Variants in FRA10AC1 observed in about 807,000 individuals in gnomAD.
FRA10AC1 encodes protein FRA10AC1.
A neutral mutation model predicts 56.5 loss-of-function variants in FRA10AC1; 43 were observed. The ratio of observed to expected loss-of-function variants is 0.76; its 90% CI spans 0.60 to 0.98. The LOEUF (loss-of-function observed/expected upper bound fraction) is 0.98, where lower values mean the gene tolerates loss of function less well. Ranked by LOEUF, FRA10AC1 falls within the 50% of genes least tolerant of loss-of-function variation. The pLI, the probability that FRA10AC1 is intolerant of heterozygous loss-of-function variation, is 0.00. For synonymous variants in FRA10AC1, 112 were observed against 110.5 expected, an observed-to-expected ratio of 1.01 and a Z score of -0.09; for missense variants, 346 against 351.8, an observed-to-expected ratio of 0.98 and a Z score of 0.13.
intron 12 of FRA10AC1, chr10:93,675,682 G>A: frequency 2.7e-6 from 1 of 367,238 alleles, no homozygotes; most frequent in South Asian, 1.9e-5. Context: ...TCCAACCTGG[G>A]TGAAAGAGCA....
At chr10:93,689,059 GGTTT>G (rs1564817932) in intron 7 of FRA10AC1, among the ~76,000 whole-genome samples, 4 of 109,862 alleles carry the variant, frequency 3.6e-5, no homozygotes, top group Non-Finnish European at 5.5e-5. Context: ...TTTGTTGTGG[GGTTT>G]TTTTTTTTTT....
chr10:93,697,176 T>C (rs2059247547), intron 4 of FRA10AC1, among the ~76,000 whole-genome samples: 1 of 150,468 alleles, frequency 6.6e-6, no homozygotes, highest in Admixed American at 6.6e-5. Context: ...GAAAAAAGAG[T>C]ACCCATACTT....
chr10:93,700,172 C>T (rs1589731550), intron 1 of FRA10AC1, 66 bp from the exon 2 acceptor site: 3 of 921,486 alleles, frequency 3.3e-6, no homozygotes, highest in Non-Finnish European at 5.1e-6. Context: ...AACAATAATT[C>T]AAAAATAAGT....
chr10:93,689,060 GTTTTT>G (rs3085158), intron 7 of FRA10AC1, among the ~76,000 whole-genome samples: 2 of 127,030 alleles, frequency 1.6e-5, no homozygotes, highest in Non-Finnish European at 3.3e-5. Flanking sequence ...TTGTTGTGGG[GTTTTT>G]TTTTTTTTTT....
intron 7 of FRA10AC1, among the ~76,000 whole-genome samples, chr10:93,688,351 A>C (rs2059066052): frequency 6.6e-6 from 1 of 152,152 alleles, no homozygotes; most frequent in Non-Finnish European, 1.5e-5. Flanking sequence ...AGGGATTAGG[A>C]AGGAGGGTGG....
intron 7 of FRA10AC1, among the ~76,000 whole-genome samples, chr10:93,688,710 A>T (rs1266509940): frequency 2.6e-5 from 4 of 152,114 alleles, no homozygotes; most frequent in Non-Finnish European, 4.4e-5. Context: ...AGATTACTTG[A>T]ACCTGGGAGG....
At chr10:93,676,227 T>C (rs2133898726) in intron 12 of FRA10AC1, among the ~76,000 whole-genome samples, 1 of 152,312 alleles carries the variant, frequency 6.6e-6, no homozygotes, top group African/African-American at 2.4e-5. Flanking sequence ...TTATAAGTCA[T>C]TGTGAATACT....
intron 9 of FRA10AC1, among the ~76,000 whole-genome samples, chr10:93,684,501 T>C (rs954272003): frequency 6.7e-6 from 1 of 149,730 alleles, no homozygotes; most frequent in African/African-American, 2.4e-5. Context: ...TGGTCTCTTT[T>C]TTTTTTTTTT....
At position 93,669,964 on chromosome 10, in the gene FRA10AC1, C is replaced by T. The variant is rs975651355; in HGVS notation, c.906-96G>A. ...TTAATAAAAATAAAATACTTTAAGT[C>T]AACATATTGGCTGATTCTGCTATAT... On this transcript the variant is annotated intron_variant, in intron 13 of 13. Coordinates refer to ENST00000359204, the MANE Select transcript of FRA10AC1 (RefSeq NM_145246.5). 2.3e-5 allele frequency: 15 copies of T among 639,710 alleles called. No homozygotes were observed. In the African/African-American group the frequency reaches 2.7e-4, roughly 12 times the overall value. The allele number at this position is 639,710 out of a possible 1,614,324, so 39.6% of individuals were successfully genotyped here. A position where few individuals can be genotyped will look rare whatever the true frequency, so the allele number is the denominator to read the frequency against.
intron 4 of FRA10AC1, among the ~76,000 whole-genome samples, chr10:93,696,163 C>T (rs1171541764): frequency 1.3e-5 from 2 of 152,118 alleles, no homozygotes; most frequent in South Asian, 2.1e-4. Flanking sequence ...AGGAAGAAGG[C>T]GCCCCGCTAG....
chr10:93,684,174 C>T (rs547970639), intron 9 of FRA10AC1, 76 bp from the exon 10 acceptor site: 249 of 1,097,740 alleles, frequency 2.3e-4, no homozygotes, highest in Non-Finnish European at 3.1e-4. Context: ...ATCATAAATT[C>T]GCACTTTCTT....
chr10:93,674,706 G>C (rs2058816595), intron 12 of FRA10AC1: 1 of 152,144 alleles, frequency 6.6e-6, no homozygotes, highest in Admixed American at 6.5e-5. Context: ...CAAAGGGCAG[G>C]GGGTGAAAGA....
intron 8 of FRA10AC1, 59 bp from the exon 9 acceptor site, chr10:93,685,418 T>TTACCC (rs1323029316): frequency 2.5e-6 from 2 of 788,108 alleles, no homozygotes; most frequent in East Asian, 5.2e-5. Context: ...ATCTATATGA[T>TTACCC]CTAGTATTAC....
At chr10:93,678,821 G>A (rs1291283482) in intron 11 of FRA10AC1, among the ~76,000 whole-genome samples, 1 of 150,538 alleles carries the variant, frequency 6.6e-6, no homozygotes, top group Non-Finnish European at 1.5e-5. Context: ...CTCCAGCCTG[G>A]GGCCTGGGTG....
In FRA10AC1 at chr10:93,702,537, G is replaced by T. The variant is rs867741999; in HGVS notation, c.-163C>A. The T allele has an allele frequency of 1.7e-5, 4 of 233,598 alleles. No individual in the cohort carries two copies. Among genetic ancestry groups the T allele is most frequent in the Admixed American group, 5.6e-5 (1 of 17,706 alleles). 14.5% of individuals were successfully genotyped at this position (233,598 alleles called of 1,614,324 possible). ...CACAACCACCACCGCCGCCGCCGCC[G>T]CCGCCGCCGCCCGCAACCCGCCTCT... On this transcript the variant is annotated 5_prime_UTR_variant, in exon 1 of 14. Transcript: ENST00000359204.
At chr10:93,679,682 T>C (rs901770640) in intron 11 of FRA10AC1, among the ~76,000 whole-genome samples, 2 of 152,148 alleles carry the variant, frequency 1.3e-5, no homozygotes, top group African/African-American at 4.8e-5. Flanking sequence ...TTTAGCTTTG[T>C]CCAGGATTTT....
intron 5 of FRA10AC1, 46 bp from the exon 6 acceptor site, chr10:93,692,775 C>G: frequency 1.6e-6 from 2 of 1,289,620 alleles, no homozygotes; most frequent in Non-Finnish European, 2.2e-6. Flanking sequence ...CAAAAGTAGT[C>G]AAATTTAGGT....
chr10:93,673,284 T>G (rs936748259), intron 12 of FRA10AC1: 6 of 456,140 alleles, frequency 1.3e-5, no homozygotes, highest in Non-Finnish European at 2.6e-5. Flanking sequence ...CAAATATCCA[T>G]ACAGTAATTT....
rs776357451 is a variant in FRA10AC1, at chr10:93,698,285, C to T, written c.173+16G>A. ...AACTTAAACCAAGAAATAGAATTGA[C>T]ACTGAAATACCATACCTATCCAGCA... On this transcript the variant is annotated intron_variant, in intron 3 of 13. Coordinates refer to ENST00000359204, the MANE Select transcript of FRA10AC1 (RefSeq NM_145246.5). The T allele has an allele frequency of 1.3e-6, 2 of 1,564,652 alleles. No homozygotes were observed. The highest frequency in any genetic ancestry group is 2.3e-5 in the South Asian group (2 of 88,594).
Sources: allele counts gnomAD v4.1 joint callset (sites outside exome capture counted in the v4.1 genomes callset), GRCh38; gene constraint gnomAD v4.1.1; transcripts MANE v1.5; gene names NCBI Gene and HGNC (gene_info 2026-07-23, HGNC 2026-07-21).